Variants in CSMD1 observed in about 807,000 individuals in gnomAD.
CSMD1 encodes CUB and Sushi multiple domains 1, also known as CUB and sushi domain-containing protein 1.
In CSMD1, 213 loss-of-function variants were observed where a neutral mutation model predicts 417.5. That is an observed-to-expected ratio of 0.51 (90% CI 0.46 to 0.57). The LOEUF (loss-of-function observed/expected upper bound fraction) is 0.57, where lower values mean the gene tolerates loss of function less well. Ranked by LOEUF, CSMD1 falls within the 20% of genes least tolerant of loss-of-function variation. CSMD1 has a pLI of 0.00. For missense variants in CSMD1, 6,923 were observed against 4,529.7 expected (o/e 1.53, Z -15.17); for synonymous variants, 2,862 against 1,736.8 (o/e 1.65, Z -16.11).
At chr8:4,891,883 T>A (rs987732232) in intron 1 of CSMD1, among the ~76,000 whole-genome samples, 2 of 152,138 alleles carry the variant, frequency 1.3e-5, no homozygotes, top group African/African-American at 4.8e-5. Flanking sequence ...TGACATTCAC[T>A]GTATTAGATT....
intron 26 of CSMD1, among the ~76,000 whole-genome samples, chr8:3,283,561 G>T (rs1802906218): frequency 6.6e-6 from 1 of 152,028 alleles, no homozygotes; most frequent in African/African-American, 2.4e-5. Flanking sequence ...AAAATATGCA[G>T]TTTTGAGGAA....
At chr8:3,753,492 T>G (rs1317614830) in intron 6 of CSMD1, among the ~76,000 whole-genome samples, 1 of 152,200 alleles carries the variant, frequency 6.6e-6, no homozygotes, top group Admixed American at 6.5e-5. Flanking sequence ...TGTAAATTAC[T>G]GAATCATGCA....
chr8:3,843,537 T>TAA (rs372104864), intron 5 of CSMD1, among the ~76,000 whole-genome samples: 1 of 147,926 alleles, frequency 6.8e-6, no homozygotes, highest in African/African-American at 2.5e-5. Context: ...TATATAAAAG[T>TAA]AAAAAAAAAA....
chr8:3,041,564 G>A (rs538657053), intron 50 of CSMD1, among the ~76,000 whole-genome samples: 2 of 152,202 alleles, frequency 1.3e-5, no homozygotes, highest in South Asian at 2.1e-4. Flanking sequence ...AATATTTTTG[G>A]TTGTTACATG....
At chr8:3,154,564 G>C (rs979560915) in intron 39 of CSMD1, among the ~76,000 whole-genome samples, 18 of 152,254 alleles carry the variant, frequency 1.2e-4, no homozygotes, top group Admixed American at 6.5e-4. Flanking sequence ...AGAATATACA[G>C]AATTTTTACT....
intron 3 of CSMD1, among the ~76,000 whole-genome samples, chr8:4,343,496 T>C (rs1441584430): frequency 6.6e-6 from 1 of 152,152 alleles, no homozygotes; most frequent in Non-Finnish European, 1.5e-5. Context: ...CATGCGTACA[T>C]GATTCACAAT....
chr8:4,432,846 T>TACC (rs1797944358), intron 2 of CSMD1, among the ~76,000 whole-genome samples: 1 of 152,190 alleles, frequency 6.6e-6, no homozygotes, highest in Non-Finnish European at 1.5e-5. Context: ...CTCTGTTGTA[T>TACC]ACCAAGGGTC....
Position 3,166,774 on chromosome 8 carries a change from T to C in CSMD1, c.5726-4497A>G, listed in dbSNP as rs142665591. On this transcript the variant is annotated intron_variant, in intron 37 of 69. Transcript: ENST00000635120. ...TACAAATAAAAAGAATTATTTATTC[T>C]TAAGGCAGACTAAAAAGAACTCACA... is the stretch of plus-strand genomic sequence containing the variant. Among the ~76,000 whole-genome samples, 170 of 152,266 alleles carry C rather than the reference T, an allele frequency of 1.1e-3. 1 individual carries two copies. Among genetic ancestry groups the C allele is most frequent in the African/African-American group, 4.0e-3 (165 of 41,558 alleles).
intron 5 of CSMD1, among the ~76,000 whole-genome samples, chr8:3,851,637 T>C (rs1394857037): frequency 6.6e-6 from 1 of 151,950 alleles, no homozygotes; most frequent in East Asian, 1.9e-4. Flanking sequence ...ATTGCTAACT[T>C]AAGCTTTAGG....
intron 27 of CSMD1, 148 bp from the exon 28 acceptor site, chr8:3,224,015 T>A: frequency 1.5e-6 from 1 of 659,978 alleles, no homozygotes; most frequent in South Asian, 3.1e-5. Context: ...TTATCAATTA[T>A]CCTGATAAAA....
At chr8:4,441,270 T>TG (rs1563176672) in intron 2 of CSMD1, among the ~76,000 whole-genome samples, 1 of 139,860 alleles carries the variant, frequency 7.2e-6, no homozygotes, top group African/African-American at 2.6e-5. Flanking sequence ...GTTTTTTTTT[T>TG]TTTTTTTTTT....
chr8:4,530,787 C>A (rs888330633), intron 2 of CSMD1, among the ~76,000 whole-genome samples: 1 of 151,444 alleles, frequency 6.6e-6, no homozygotes, highest in Non-Finnish European at 1.5e-5. Context: ...GCTATTGACC[C>A]AGCAATCCCA....
At chr8:3,964,347 G>C (rs761012798) in intron 5 of CSMD1, among the ~76,000 whole-genome samples, 1 of 152,152 alleles carries the variant, frequency 6.6e-6, no homozygotes, top group Admixed American at 6.5e-5. Flanking sequence ...ACTTATTTGA[G>C]CACTGGTACA....
chr8:4,591,134 G>A (rs534135191), intron 2 of CSMD1, among the ~76,000 whole-genome samples: 3 of 152,294 alleles, frequency 2.0e-5, no homozygotes, highest in Admixed American at 6.5e-5. Context: ...AGTTCTGAAT[G>A]CATCATTTCT....
intron 1 of CSMD1, among the ~76,000 whole-genome samples, chr8:4,811,822 G>C (rs542355708): frequency 2.5e-4 from 38 of 152,160 alleles, no homozygotes; most frequent in African/African-American, 8.4e-4. Context: ...CATAGGAAAA[G>C]ATGTGATTTT....
intron 26 of CSMD1, among the ~76,000 whole-genome samples, chr8:3,282,707 C>G (rs1563222228): frequency 6.6e-6 from 1 of 152,104 alleles, no homozygotes; most frequent in Non-Finnish European, 1.5e-5. Context: ...AATCACTGTT[C>G]AGAGCACAGT....
chr8:3,665,084 C>T (rs1031651948), intron 7 of CSMD1, among the ~76,000 whole-genome samples: 4 of 152,002 alleles, frequency 2.6e-5, no homozygotes, highest in Admixed American at 6.6e-5. Context: ...ACATCCATAA[C>T]CTAAGAGGTT....
intron 10 of CSMD1, among the ~76,000 whole-genome samples, chr8:3,568,522 G>T (rs1247413372): frequency 2.0e-5 from 3 of 152,140 alleles, no homozygotes; most frequent in Non-Finnish European, 2.9e-5. Context: ...CAAAAGTATT[G>T]CACAAGAAGC....
At chr8:4,400,894 T>C (rs1378647022) in intron 3 of CSMD1, among the ~76,000 whole-genome samples, 1 of 152,046 alleles carries the variant, frequency 6.6e-6, no homozygotes, top group Non-Finnish European at 1.5e-5. Context: ...CAGGTGCCAA[T>C]CTTTTGTATA....
Sources: gnomAD v4.1 joint callset for allele counts (sites outside exome capture counted in the v4.1 genomes callset) on GRCh38, gnomAD v4.1.1 for gene constraint, MANE v1.5 for transcripts, NCBI Gene and HGNC (gene_info 2026-07-23, HGNC 2026-07-21) for gene names.